The following MLLT6 variants were observed in gnomAD, a reference collection of about 807,000 sequenced individuals.
MLLT6 encodes the protein MLLT6, PHD finger containing.
MLLT6 carries 22 observed loss-of-function variants against 103.0 expected under a neutral mutation model. The ratio of observed to expected loss-of-function variants is 0.21; its 90% confidence interval spans 0.15 to 0.31. The LOEUF is 0.31. MLLT6 is among the 10% of genes least tolerant of loss of function. The pLI, the probability that MLLT6 is intolerant of heterozygous loss-of-function variation, is 1.00. For missense variants in MLLT6, 1,199 were observed against 1,441.7 expected (o/e 0.83, Z 2.73); for synonymous variants, 606 against 623.5 (o/e 0.97, Z 0.42).
At position 38,707,073 on chromosome 17, in the gene MLLT6, A is replaced by G. The variant is rs563941534; in HGVS notation, c.189+44A>G. ...CTCTCCACTCCCCTGCCCCTCCCAC[A>G]CACCTGAGCGTCTCAGGTTGAGCTA... On this transcript the variant is annotated intron_variant, in intron 2 of 19. Coordinates refer to ENST00000621332, the MANE Select transcript of MLLT6 (RefSeq NM_005937.4). 1.6e-5 allele frequency: 24 copies of G among 1,535,742 alleles called. No homozygotes were observed. In the South Asian group the frequency reaches 2.8e-4, roughly 18 times the overall value.
At position 38,709,117 on chromosome 17, in the gene MLLT6, C is replaced by G. The variant is rs1597990106; in HGVS notation, c.355-56C>G. The stretch of plus-strand genomic sequence containing the variant: ...TGGAATGGAGGGGGTGGCCTAAGGA[C>G]CATCAGTAGAACAGGGGCTCCCTGG... On this transcript the variant is annotated intron_variant, in intron 4 of 19. Transcript: ENST00000621332. The surrounding 1 kb of genome is among the most constrained non-coding windows in gnomAD (Gnocchi z 4.3). 7 of 1,339,910 alleles carry G rather than the reference C, an allele frequency of 5.2e-6. No individual in the cohort carries two copies. Among genetic ancestry groups the G allele is most frequent in the Non-Finnish European group, 5.3e-6 (5 of 947,690 alleles). 83.0% of individuals were successfully genotyped at this position (1,339,910 alleles called of 1,614,324 possible).
intron 4 of MLLT6, among the ~76,000 whole-genome samples, chr17:38,708,538 C>T (rs966159422): frequency 2.0e-5 from 3 of 152,172 alleles, no homozygotes; most frequent in African/African-American, 4.8e-5. Flanking sequence ...TCAGAGCTAA[C>T]CATCCAAGGA....
chr17:38,727,031 C>T lies in MLLT6; in HGVS notation c.*1433C>T, dbSNP rs1214071017. 3.9e-5 allele frequency: 9 copies of T among 233,508 alleles called. No individual in the cohort carries two copies. The highest frequency in any genetic ancestry group is 5.1e-5 in the Non-Finnish European group (6 of 118,050). 14.5% of individuals were successfully genotyped at this position (233,508 alleles called of 1,614,324 possible). On this transcript the variant is annotated 3_prime_UTR_variant, in exon 20 of 20. Coordinates refer to ENST00000621332, the MANE Select transcript of MLLT6 (RefSeq NM_005937.4). ...TGTTTCAGTTGCACTGGGGTTGGAG[C>T]CCAGGGTAGGGGTTTCCAGCTTCCC... is the stretch of plus-strand genomic sequence containing the variant.
chr17:38,728,186 C>G lies in MLLT6; in HGVS notation c.*2588C>G, dbSNP rs546947187. Reference sequence around the variant, plus strand: ...TGCAGCCCTCTTCTCCTCTTCCCCCCCACATCTCTCATGAGAGAGGTAGTG... The same window carrying G: ...TGCAGCCCTCTTCTCCTCTTCCCCCGCACATCTCTCATGAGAGAGGTAGTG... On this transcript the variant is annotated 3_prime_UTR_variant, in exon 20 of 20. Coordinates refer to ENST00000621332, the MANE Select transcript of MLLT6 (RefSeq NM_005937.4). The G allele has an allele frequency of 1.3e-5, 3 of 233,262 alleles. No individual in the cohort carries two copies. The highest frequency in any genetic ancestry group is 2.5e-5 in the Non-Finnish European group (3 of 118,128). The allele number at this position is 233,262 out of a possible 1,614,324, so 14.4% of individuals were successfully genotyped here.
chr17:38,725,141 C>G (rs563428497), intron 19 of MLLT6, 165 bp downstream of exon 19: 48 of 582,092 alleles, frequency 8.2e-5, no homozygotes, highest in African/African-American at 7.7e-4. Context: ...CACATGGGTG[C>G]CCTCCTGCAC....
intron 4 of MLLT6, among the ~76,000 whole-genome samples, chr17:38,708,682 G>C (rs1234650701): frequency 6.6e-6 from 1 of 152,178 alleles, no homozygotes; most frequent in Non-Finnish European, 1.5e-5. Context: ...GATCACCTAA[G>C]GTCAGGAGTT....
intron 7 of MLLT6, among the ~76,000 whole-genome samples, chr17:38,712,348 C>T (rs60115030): frequency 0.016 from 2,368 of 152,316 alleles, 59 homozygotes; most frequent in African/African-American, 0.054. Flanking sequence ...CATTCCCTCG[C>T]GCCACATAGC....
In MLLT6 at chr17:38,729,120, G is replaced by A. The variant is rs1387158482; in HGVS notation, c.*3522G>A. 2.1e-5 allele frequency: 5 copies of A among 233,222 alleles called. No individual in the cohort carries two copies. The highest frequency in any genetic ancestry group is 1.8e-4 in the East Asian group (3 of 16,604). 14.4% of individuals were successfully genotyped at this position (233,222 alleles called of 1,614,324 possible). A position where few individuals can be genotyped will look rare whatever the true frequency, so the allele number is the denominator to read the frequency against. On this transcript the variant is annotated 3_prime_UTR_variant, in exon 20 of 20. Coordinates refer to ENST00000621332, the MANE Select transcript of MLLT6 (RefSeq NM_005937.4). ...AGCTCCGAGAAAGGGTAACCTCCAC[G>A]CTTCTCTCTCCCAAATTGGAAATGA...
intron 9 of MLLT6, 137 bp downstream of exon 9, chr17:38,715,965 C>T (rs1340972548): frequency 1.2e-6 from 1 of 825,464 alleles, no homozygotes; most frequent in Non-Finnish European, 1.9e-6. Context: ...GGGGAATCCC[C>T]TCCTCTCCAA....
chr17:38,706,433 G>C (rs945293540), intron 1 of MLLT6, among the ~76,000 whole-genome samples: 4 of 152,028 alleles, frequency 2.6e-5, no homozygotes, highest in Non-Finnish European at 5.9e-5. Context: ...TTCCCGCCAC[G>C]CTCCTCTCGG....
rs113618401 is a variant in MLLT6, at chr17:38,707,880, G to A, written c.354+8G>A. The A allele has an allele frequency of 2.1e-3, 3,294 of 1,562,520 alleles. 60 individuals are homozygous for A. The African/African-American group carries it at 0.037, about 17-fold the overall frequency. On this transcript the variant is annotated splice_region_variant and intron_variant, in intron 4 of 19. Coordinates refer to ENST00000621332, the MANE Select transcript of MLLT6 (RefSeq NM_005937.4). ...CATGATCGCTTCAACAAGGTCAGCG[G>A]CCCCCCGCCGTGTCCCCTACCAGTT... is the stretch of plus-strand genomic sequence containing the variant.
Position 38,707,886 on chromosome 17 carries a change from C to A in MLLT6, c.354+14C>A. The A allele has an allele frequency of 1.3e-6, 2 of 1,523,566 alleles. No homozygotes were observed. Among genetic ancestry groups the A allele is most frequent in the East Asian group, 2.3e-5 (1 of 44,080 alleles). The allele number at this position is 1,523,566 out of a possible 1,614,324, so 94.4% of individuals were successfully genotyped here. A position where few individuals can be genotyped will look rare whatever the true frequency, so the allele number is the denominator to read the frequency against. Reference sequence around the variant, plus strand: ...CGCTTCAACAAGGTCAGCGGCCCCCCGCCGTGTCCCCTACCAGTTCCCTCC... The same window carrying A: ...CGCTTCAACAAGGTCAGCGGCCCCCAGCCGTGTCCCCTACCAGTTCCCTCC... On this transcript the variant is annotated intron_variant, in intron 4 of 19. Coordinates refer to ENST00000621332, the MANE Select transcript of MLLT6 (RefSeq NM_005937.4).
At chr17:38,722,295 T>C (rs1905799990) in intron 17 of MLLT6, 68 bp downstream of exon 17, 6 of 1,191,368 alleles carry the variant, frequency 5.0e-6, no homozygotes, top group Non-Finnish European at 6.6e-6. Flanking sequence ...GGAGGGATTT[T>C]CCCCAAAACA....
chr17:38,724,487 C>A lies in MLLT6; in HGVS notation c.2884-133C>A. The A allele has an allele frequency of 1.5e-6, 1 of 654,870 alleles. No individual in the cohort carries two copies. Among genetic ancestry groups the A allele is most frequent in the Non-Finnish European group, 2.6e-6 (1 of 381,650 alleles). 40.6% of individuals were successfully genotyped at this position (654,870 alleles called of 1,614,324 possible). A position where few individuals can be genotyped will look rare whatever the true frequency, so the allele number is the denominator to read the frequency against. On this transcript the variant is annotated intron_variant, in intron 18 of 19. Transcript: ENST00000621332. This position sits in a 1 kb window ranked among gnomAD's most constrained non-coding sequence, Gnocchi z 5.4. The stretch of plus-strand genomic sequence containing the variant: ...CTAAGTGGGAAATGCGAGACAGTAC[C>A]TTGACTGTCTCACAGGCCTCTTGCC...
Position 38,717,973 on chromosome 17 carries a change from C to A in MLLT6, c.1942+20C>A. 6.6e-7 allele frequency: 1 copy of A among 1,518,494 alleles called. No individual in the cohort carries two copies. Among genetic ancestry groups the A allele is most frequent in the Non-Finnish European group, 9.1e-7 (1 of 1,094,726 alleles). The allele number at this position is 1,518,494 out of a possible 1,614,324, so 94.1% of individuals were successfully genotyped here. A position where few individuals can be genotyped will look rare whatever the true frequency, so the allele number is the denominator to read the frequency against. ...ACACAGGTATGTGAATATCTGATCC[C>A]CTCTCCCCTTTCTTCCCAAAGGTCG... On this transcript the variant is annotated intron_variant, in intron 12 of 19. Transcript: ENST00000621332.
At chr17:38,712,960 G>A (rs780229049) in intron 8 of MLLT6, 171 bp downstream of exon 8, 3 of 765,544 alleles carry the variant, frequency 3.9e-6, no homozygotes, top group South Asian at 2.7e-5. Context: ...CAGCCTAGAA[G>A]GGGCCACCAA....
Position 38,709,412 on chromosome 17 carries a change from A to G in MLLT6, c.459-70A>G. On this transcript the variant is annotated intron_variant, in intron 5 of 19. Transcript: ENST00000621332. The surrounding 1 kb of genome is among the most constrained non-coding windows in gnomAD (Gnocchi z 4.3). ...CTTGGCTTCGCCTCAGCAGGGGGCCAGGAGGGTGAGAGGAAGGTGGCTCAT... is the reference window on the plus strand; with the variant it reads ...CTTGGCTTCGCCTCAGCAGGGGGCCGGGAGGGTGAGAGGAAGGTGGCTCAT... 6.8e-7 allele frequency: 1 copy of G among 1,468,006 alleles called. No homozygotes were observed. 90.9% of individuals were successfully genotyped at this position (1,468,006 alleles called of 1,614,324 possible). A position where few individuals can be genotyped will look rare whatever the true frequency, so the allele number is the denominator to read the frequency against.
chr17:38,722,555 C>T (rs2143708199), intron 17 of MLLT6, 123 bp from the exon 18 acceptor site: 2 of 677,026 alleles, frequency 3.0e-6, no homozygotes, highest in East Asian at 5.4e-5. Context: ...ATCGCACATC[C>T]CTGCCTTGCT....
At chr17:38,710,710 G>C (rs1905114260) in intron 6 of MLLT6, among the ~76,000 whole-genome samples, 1 of 152,052 alleles carries the variant, frequency 6.6e-6, no homozygotes, top group Non-Finnish European at 1.5e-5. Context: ...CTTCTGTAGG[G>C]GGAACACATG....
Sources: allele counts gnomAD v4.1 joint callset (sites outside exome capture counted in the v4.1 genomes callset), GRCh38; gene constraint gnomAD v4.1.1; non-coding constraint Gnocchi (gnomAD v3.1); transcripts MANE v1.5; gene names NCBI Gene and HGNC (gene_info 2026-07-23, HGNC 2026-07-21).